The following HS6ST1 variants were observed in gnomAD, a reference collection of about 807,000 sequenced individuals.
HS6ST1 encodes heparan-sulfate 6-O-sulfotransferase 1.
In HS6ST1, 3 loss-of-function variants were observed where a neutral mutation model predicts 25.2. The ratio of observed to expected loss-of-function variants is 0.12; its 90% CI spans 0.05 to 0.31. The LOEUF (loss-of-function observed/expected upper bound fraction) is 0.31, where lower values mean the gene tolerates loss of function less well. Ranked by LOEUF, HS6ST1 falls within the 10% of genes least tolerant of loss-of-function variation. The probability of loss-of-function intolerance (pLI) is 1.00; values close to 1 mark genes in which losing one functional copy is unlikely to be tolerated. For synonymous variants in HS6ST1, 204 were observed against 275.1 expected (o/e 0.74, Z 2.56); for missense variants, 310 against 609.6 (o/e 0.51, Z 5.18).
chr2:128,317,362 G>T (rs1385733650), intron 1 of HS6ST1, among the ~76,000 whole-genome samples: 1 of 152,224 alleles, frequency 6.6e-6, no homozygotes, highest in Non-Finnish European at 1.5e-5. Flanking sequence ...CCCCCATCGG[G>T]TGGCTTTTGT....
chr2:128,281,058 T>C (rs906121660), intron 1 of HS6ST1, among the ~76,000 whole-genome samples: 1 of 152,252 alleles, frequency 6.6e-6, no homozygotes, highest in African/African-American at 2.4e-5. Flanking sequence ...AAGCATGGGC[T>C]GGGCTTGGAG....
chr2:128,273,922 T>C (rs4662598), intron 1 of HS6ST1, among the ~76,000 whole-genome samples: 100,528 of 151,962 alleles, frequency 0.66, 34,756 homozygotes, highest in African/African-American at 0.85. Flanking sequence ...GGGCGGCTCA[T>C]GGCTCAGAGG....
At chr2:128,289,545 C>T (rs773616204) in intron 1 of HS6ST1, 9 of 152,224 alleles carry the variant, frequency 5.9e-5, no homozygotes, top group East Asian at 1.9e-4. Flanking sequence ...ATGAGCAGCA[C>T]GAAGCTCCCA....
intron 1 of HS6ST1, among the ~76,000 whole-genome samples, chr2:128,290,675 G>A (rs1490062312): frequency 1.3e-5 from 2 of 152,102 alleles, no homozygotes; most frequent in Non-Finnish European, 2.9e-5. Context: ...ACTAGGAATA[G>A]AAGTCCCTTA....
intron 1 of HS6ST1, among the ~76,000 whole-genome samples, chr2:128,286,125 C>A (rs1165864769): frequency 6.6e-5 from 10 of 152,344 alleles, no homozygotes; most frequent in African/African-American, 1.2e-4. Context: ...GCCTACAGCA[C>A]CCTGCAGGGG....
At chr2:128,276,875 C>T (rs746769944) in intron 1 of HS6ST1, among the ~76,000 whole-genome samples, 1 of 152,110 alleles carries the variant, frequency 6.6e-6, no homozygotes, top group African/African-American at 2.4e-5. Flanking sequence ...TCCCCTCCTA[C>T]GAGCTACGCT....
At chr2:128,280,938 G>A (rs925673808) in intron 1 of HS6ST1, among the ~76,000 whole-genome samples, 9 of 152,214 alleles carry the variant, frequency 5.9e-5, no homozygotes, top group African/African-American at 2.2e-4. Flanking sequence ...GGACAGGTGA[G>A]GCTGACCCAA....
At chr2:128,287,379 G>A (rs1482946509) in intron 1 of HS6ST1, among the ~76,000 whole-genome samples, 1 of 152,320 alleles carries the variant, frequency 6.6e-6, no homozygotes, top group African/African-American at 2.4e-5. Context: ...TACTCAGTGA[G>A]GGTGAACGAG....
chr2:128,282,137 C>G (rs1006409934), intron 1 of HS6ST1, among the ~76,000 whole-genome samples: 2 of 152,244 alleles, frequency 1.3e-5, no homozygotes, highest in Non-Finnish European at 2.9e-5. Flanking sequence ...ACTGCCCAAA[C>G]CATGGCCAGG....
chr2:128,306,654 G>GT (rs1462139851), intron 1 of HS6ST1, among the ~76,000 whole-genome samples: 2 of 152,206 alleles, frequency 1.3e-5, no homozygotes, highest in Non-Finnish European at 2.9e-5. Context: ...TCCCAAGCCA[G>GT]TGGGGGCATG....
At chr2:128,317,201 T>C (rs1694384326) in intron 1 of HS6ST1, among the ~76,000 whole-genome samples, 1 of 152,186 alleles carries the variant, frequency 6.6e-6, no homozygotes, top group East Asian at 1.9e-4. Flanking sequence ...CCAGAAGAGC[T>C]GCCCCGGCAC....
At chr2:128,288,632 T>C (rs13401904) in intron 1 of HS6ST1, among the ~76,000 whole-genome samples, 206 of 152,320 alleles carry the variant, frequency 1.4e-3, no homozygotes, top group African/African-American at 4.8e-3. Context: ...ATTTTTTCTT[T>C]TACTTTTTCT....
Position 128,268,235 on chromosome 2 carries a change from G to A in HS6ST1, c.1163C>T (p.Pro388Leu), listed in dbSNP as rs372569460. The A allele has an allele frequency of 6.1e-5, 98 of 1,610,592 alleles. No individual in the cohort carries two copies. Among genetic ancestry groups the A allele is most frequent in the African/African-American group, 9.4e-5 (7 of 74,850 alleles). Residue 388 changes from proline (P) to leucine (L), a missense_variant, in exon 2 of 2, where the codon CCG (proline) becomes CTG (leucine). Transcript: ENST00000259241. ...RLLHRAKEALPREDADEPGRV... is the reference protein window; with the variant it reads ...RLLHRAKEALLREDADEPGRV... ...GCCCGGCTCGTCGGCATCCTCCCGC[G>A]GCAGTGCCTCCTTGGCCCGGTGCAG...
Position 128,269,323 on chromosome 2 carries a change from C to A in HS6ST1, c.528-453G>T, listed in dbSNP as rs867527396. Among the ~76,000 whole-genome samples, 44 of 152,158 alleles carry A rather than the reference C, an allele frequency of 2.9e-4. 1 individual carries two copies. Among genetic ancestry groups the A allele is most frequent in the Non-Finnish European group, 5.3e-4 (36 of 68,020 alleles). ...CTCCAGTCCCAGTCCCAGGGTCCTG[C>A]CAAGGCCTGGTGGTGGTTGGGGGGG... On this transcript the variant is annotated intron_variant, in intron 1 of 1. Coordinates refer to ENST00000259241, the MANE Select transcript of HS6ST1 (RefSeq NM_004807.3).
At chr2:128,295,342 G>A (rs2104927213) in intron 1 of HS6ST1, among the ~76,000 whole-genome samples, 1 of 152,320 alleles carries the variant, frequency 6.6e-6, no homozygotes, top group African/African-American at 2.4e-5. Flanking sequence ...GTGAGGTGAA[G>A]GCCCTTGCTC....
intron 1 of HS6ST1, among the ~76,000 whole-genome samples, chr2:128,299,395 T>C (rs1694088881): frequency 6.6e-6 from 1 of 152,190 alleles, no homozygotes; most frequent in African/African-American, 2.4e-5. Flanking sequence ...ACAACACAGA[T>C]TGCAAATTAT....
intron 1 of HS6ST1, among the ~76,000 whole-genome samples, chr2:128,295,883 T>C (rs563431477): frequency 3.8e-4 from 58 of 152,310 alleles, no homozygotes; most frequent in African/African-American, 1.3e-3. Context: ...ATAAAGGCCA[T>C]TGCTATGGAC....
intron 1 of HS6ST1, among the ~76,000 whole-genome samples, chr2:128,288,724 G>A (rs1224719148): frequency 6.6e-6 from 1 of 152,096 alleles, no homozygotes; most frequent in Non-Finnish European, 1.5e-5. Context: ...CTTTCTCACA[G>A]GAGGTAGGAG....
intron 1 of HS6ST1, among the ~76,000 whole-genome samples, chr2:128,316,535 G>A (rs180883944): frequency 2.6e-5 from 4 of 152,248 alleles, no homozygotes; most frequent in Admixed American, 2.6e-4. Context: ...AGGGTTAGGG[G>A]GGCCCTGCAG....
Sources: gnomAD v4.1 joint callset for allele counts (sites outside exome capture counted in the v4.1 genomes callset) on GRCh38, gnomAD v4.1.1 for gene constraint, MANE v1.5 for transcripts, NCBI Gene and HGNC (gene_info 2026-07-23, HGNC 2026-07-21) for gene names.